KHDRBS2: variants seen among roughly 807,000 people sequenced by gnomAD.
KHDRBS2 encodes the protein KH RNA binding domain containing, signal transduction associated 2.
In KHDRBS2, 26 loss-of-function variants were observed where a neutral mutation model predicts 44.3. The ratio of observed to expected loss-of-function variants is 0.59; its 90% CI spans 0.43 to 0.81. KHDRBS2 has a LOEUF of 0.81. Among genes scored for constraint, KHDRBS2 ranks in the 40% least tolerant of loss-of-function variants. KHDRBS2 has a pLI of 0.00. For missense variants in KHDRBS2, 476 were observed against 433.1 expected, an observed-to-expected ratio of 1.10 and a Z score of -0.88; for synonymous variants, 194 against 151.1, an observed-to-expected ratio of 1.28 and a Z score of -2.08.
intron 2 of KHDRBS2, among the ~76,000 whole-genome samples, chr6:62,151,029 C>T (rs1302024163): frequency 6.6e-6 from 1 of 152,126 alleles, no homozygotes; most frequent in Non-Finnish European, 1.5e-5. Flanking sequence ...CCCGTCCCTA[C>T]CCCATACTTC....
intron 3 of KHDRBS2, among the ~76,000 whole-genome samples, chr6:62,033,914 T>A (rs1784790208): frequency 6.6e-6 from 1 of 151,374 alleles, no homozygotes; most frequent in African/African-American, 2.4e-5. Flanking sequence ...AATATATACA[T>A]TTATATATTT....
At chr6:61,776,210 C>T (rs2127579215) in intron 6 of KHDRBS2, among the ~76,000 whole-genome samples, 1 of 152,244 alleles carries the variant, frequency 6.6e-6, no homozygotes, top group African/African-American at 2.4e-5. Flanking sequence ...GTAGGCATTA[C>T]CATTCAGGAC....
At chr6:62,175,112 G>A (rs1820819531) in intron 2 of KHDRBS2, among the ~76,000 whole-genome samples, 2 of 151,578 alleles carry the variant, frequency 1.3e-5, no homozygotes, top group Admixed American at 6.6e-5. Flanking sequence ...ATTTATTGTT[G>A]TACTATAAAA....
chr6:62,212,352 GAAT>G (rs1829203385), intron 1 of KHDRBS2, among the ~76,000 whole-genome samples: 1 of 151,790 alleles, frequency 6.6e-6, no homozygotes, highest in Admixed American at 6.6e-5. Context: ...AGAGATAAAT[GAAT>G]AATAGAGAGA....
At chr6:61,962,452 T>C (rs1768952074) in intron 4 of KHDRBS2, among the ~76,000 whole-genome samples, 1 of 152,108 alleles carries the variant, frequency 6.6e-6, no homozygotes, top group Admixed American at 6.6e-5. Context: ...CTGCACACTC[T>C]AAGTGATTGT....
chr6:61,954,559 C>T (rs570138648), intron 4 of KHDRBS2, among the ~76,000 whole-genome samples: 2 of 145,380 alleles, frequency 1.4e-5, no homozygotes, highest in East Asian at 4.1e-4. Flanking sequence ...TGTATATATA[C>T]ACATACATAC....
chr6:62,239,188 T>C (rs1392567663), intron 1 of KHDRBS2, among the ~76,000 whole-genome samples: 1 of 152,224 alleles, frequency 6.6e-6, no homozygotes, highest in Admixed American at 6.5e-5. Flanking sequence ...TTCTCAGGAA[T>C]ACATACTGAA....
At chr6:62,060,760 A>T (rs1225559482) in intron 2 of KHDRBS2, among the ~76,000 whole-genome samples, 1 of 151,784 alleles carries the variant, frequency 6.6e-6, no homozygotes, top group Non-Finnish European at 1.5e-5. Context: ...TGAAGAAAAC[A>T]CTTGAATTTG....
At chr6:61,755,209 A>G (rs1377687201) in intron 6 of KHDRBS2, among the ~76,000 whole-genome samples, 1 of 152,178 alleles carries the variant, frequency 6.6e-6, no homozygotes, top group Non-Finnish European at 1.5e-5. Context: ...TATTTTTAAA[A>G]GAATTATTTA....
the KHDRBS2 span, among the ~76,000 whole-genome samples, chr6:61,575,363 A>G: frequency 6.6e-6 from 1 of 152,234 alleles, no homozygotes; most frequent in South Asian, 2.1e-4. Context: ...ATATGAAAAA[A>G]TGCTAAACAT....
intron 4 of KHDRBS2, among the ~76,000 whole-genome samples, chr6:61,941,936 C>T (rs1364788333): frequency 6.6e-5 from 10 of 151,920 alleles, no homozygotes; most frequent in African/African-American, 2.4e-4. Flanking sequence ...TCAAAACATT[C>T]CAGAAAAAGA....
At chr6:62,229,285 T>G (rs1346690289) in intron 1 of KHDRBS2, among the ~76,000 whole-genome samples, 2 of 152,144 alleles carry the variant, frequency 1.3e-5, no homozygotes, top group Non-Finnish European at 2.9e-5. Flanking sequence ...GCACTCGGTC[T>G]ACAGTATGCC....
chr6:61,988,405 G>A (rs986716973), intron 3 of KHDRBS2, among the ~76,000 whole-genome samples: 4 of 152,138 alleles, frequency 2.6e-5, no homozygotes, highest in Admixed American at 2.6e-4. Flanking sequence ...AGGGCAATAT[G>A]GGAGTACACT....
At chr6:62,130,076 C>T (rs576821084) in intron 2 of KHDRBS2, among the ~76,000 whole-genome samples, 2 of 152,112 alleles carry the variant, frequency 1.3e-5, no homozygotes, top group South Asian at 4.1e-4. Context: ...ATTTTTAATT[C>T]CAAAATGCTC....
chr6:62,141,863 T>C (rs1302453220), intron 2 of KHDRBS2, among the ~76,000 whole-genome samples: 5 of 152,128 alleles, frequency 3.3e-5, no homozygotes, highest in East Asian at 3.9e-4. Context: ...CAGTCAAATG[T>C]ATTATATCTA....
At chr6:62,167,147 T>A (rs556725643) in intron 2 of KHDRBS2, among the ~76,000 whole-genome samples, 1 of 151,736 alleles carries the variant, frequency 6.6e-6, no homozygotes, top group African/African-American at 2.4e-5. Flanking sequence ...TGGCCTGAGG[T>A]ATGAGAAGGA....
chr6:61,726,139 TCA>T (rs2127558063), intron 7 of KHDRBS2, among the ~76,000 whole-genome samples: 1 of 152,264 alleles, frequency 6.6e-6, no homozygotes, highest in African/African-American at 2.4e-5. Context: ...CAAGGTTGGT[TCA>T]ACATACAGAT....
the KHDRBS2 span, among the ~76,000 whole-genome samples, chr6:61,550,721 T>G: frequency 6.6e-6 from 1 of 151,932 alleles, no homozygotes; most frequent in Non-Finnish European, 1.5e-5. Context: ...ACATATTTTT[T>G]TTTTACTTCT....
intron 6 of KHDRBS2, among the ~76,000 whole-genome samples, chr6:61,803,070 T>C (rs1786543337): frequency 6.6e-6 from 1 of 152,228 alleles, no homozygotes; most frequent in Admixed American, 6.6e-5. Flanking sequence ...GTTTAAATCT[T>C]GACTTTGTTT....
Sources: gnomAD v4.1 joint callset for allele counts (sites outside exome capture counted in the v4.1 genomes callset) on GRCh38, gnomAD v4.1.1 for gene constraint, MANE v1.5 for transcripts, NCBI Gene and HGNC (gene_info 2026-07-23, HGNC 2026-07-21) for gene names.